Variants in PDE3A observed in about 807,000 individuals in gnomAD.
PDE3A encodes the protein cGMP-inhibited 3',5'-cyclic phosphodiesterase 3A.
A neutral mutation model predicts 98.3 loss-of-function variants in PDE3A; 43 were observed. That is an observed-to-expected ratio of 0.44 (90% CI 0.34 to 0.56). PDE3A has a LOEUF of 0.56. Among genes scored for constraint, PDE3A ranks in the 20% least tolerant of loss-of-function variants. PDE3A has a pLI of 0.01. For synonymous variants in PDE3A, 663 were observed against 567.9 expected (o/e 1.17, Z -2.38); for missense variants, 1,427 against 1,440.7 (o/e 0.99, Z 0.15).
rs771841930 is a variant in PDE3A at position 20,370,164 on chromosome 12, T to G, written c.880T>G (p.Ser294Ala). 6.8e-6 allele frequency: 11 copies of G among 1,612,514 alleles called. No individual in the cohort carries two copies. In the Admixed American group the frequency reaches 1.8e-4, roughly 27 times the overall value. The stretch of plus-strand genomic sequence containing the variant: ...GTTTAAGAGGAGGAGGCGGTCCAGC[T>G]CCGTCGTGTCCGCCGAGATGTCCGG... Reference protein sequence around the residue: ...PVFKRRRRSSSVVSAEMSGCS... With the variant: ...PVFKRRRRSSAVVSAEMSGCS... Residue 294 changes from serine (S) to alanine (A), a missense_variant, in exon 1 of 16, where the codon TCC (serine) becomes GCC (alanine). By Grantham distance (99) the Ser-to-Ala change is moderately conservative (BLOSUM62 1). This residue lies in a region of PDE3A where 1,012 missense variants were observed against 886.5 expected (regional missense o/e 1.14). Transcript: ENST00000359062.
In PDE3A at chr12:20,369,923, C is replaced by T. The variant is rs1591850243; in HGVS notation, c.639C>T (p.Leu213=). The change falls in exon 1 of 16, where the codon CTC becomes CTT. Residue 213 remains leucine, a synonymous_variant. Coordinates refer to ENST00000359062, the MANE Select transcript of PDE3A (RefSeq NM_000921.5). The stretch of plus-strand genomic sequence containing the variant: ...TGCTGAGGCTGAGGCTGGGCGTCCT[C>T]ATGATCGCCTTGACTAGCGCGGTCA... ...WLVLRLRLGV[L]MIALTSAVRT... 6.2e-7 allele frequency: 1 copy of T among 1,613,502 alleles called. No individual in the cohort carries two copies. The highest frequency in any genetic ancestry group is 8.5e-7 in the Non-Finnish European group (1 of 1,180,002).
chr12:20,376,974 A>C (rs1385148643), intron 1 of PDE3A, among the ~76,000 whole-genome samples: 5 of 151,854 alleles, frequency 3.3e-5, no homozygotes, highest in Non-Finnish European at 7.4e-5. Context: ...CAGTCCTGCT[A>C]ACATAATAAT....
intron 2 of PDE3A, among the ~76,000 whole-genome samples, chr12:20,607,436 CAAAAA>C (rs765702703): frequency 1.6e-5 from 1 of 61,446 alleles, no homozygotes; most frequent in African/African-American, 6.3e-5. Flanking sequence ...GACTCCGTCT[CAAAAA>C]AAAAAAAAAA....
At chr12:20,469,200 C>T (rs1236374331) in intron 1 of PDE3A, among the ~76,000 whole-genome samples, 1 of 152,068 alleles carries the variant, frequency 6.6e-6, no homozygotes, top group African/African-American at 2.4e-5. Flanking sequence ...CCTTAAATAC[C>T]TCTGAGCCAT....
chr12:20,397,145 G>A (rs1488316245), intron 1 of PDE3A, among the ~76,000 whole-genome samples: 1 of 152,004 alleles, frequency 6.6e-6, no homozygotes, highest in Admixed American at 6.6e-5. Context: ...AAAAATGTAT[G>A]TTTGTAAGTA....
intron 1 of PDE3A, among the ~76,000 whole-genome samples, chr12:20,548,083 A>G (rs1307267372): frequency 6.6e-6 from 1 of 152,156 alleles, no homozygotes; most frequent in Non-Finnish European, 1.5e-5. Flanking sequence ...AATTTATTCC[A>G]TAAGGATCAA....
chr12:20,400,216 A>G (rs1317042399), intron 1 of PDE3A, among the ~76,000 whole-genome samples: 1 of 151,920 alleles, frequency 6.6e-6, no homozygotes, highest in Admixed American at 6.6e-5. Flanking sequence ...CTCTATTTTT[A>G]AAAGTACGGA....
chr12:20,416,593 G>A (rs1944425487), intron 1 of PDE3A, among the ~76,000 whole-genome samples: 1 of 152,138 alleles, frequency 6.6e-6, no homozygotes, highest in Non-Finnish European at 1.5e-5. Flanking sequence ...CTTCACACGT[G>A]CTATATAAAA....
chr12:20,409,096 A>C (rs1006458966), intron 1 of PDE3A, among the ~76,000 whole-genome samples: 2 of 152,184 alleles, frequency 1.3e-5, no homozygotes, highest in Non-Finnish European at 2.9e-5. Context: ...GGAGGCAGGC[A>C]CAGAACTCCA....
chr12:20,676,603 C>A (rs1476032597), intron 15 of PDE3A, among the ~76,000 whole-genome samples: 1 of 151,300 alleles, frequency 6.6e-6, no homozygotes, highest in Non-Finnish European at 1.5e-5. Context: ...GGGTTCACAC[C>A]ATTCTCCTGC....
intron 1 of PDE3A, among the ~76,000 whole-genome samples, chr12:20,431,363 GA>G (rs1944694183): frequency 1.3e-5 from 2 of 152,208 alleles, no homozygotes; most frequent in South Asian, 2.1e-4. Context: ...GTTCATGAGG[GA>G]AAAAAGTTCT....
At position 20,685,013 on chromosome 12, in the gene PDE3A, A is replaced by G. The variant is rs1048381901; in HGVS notation, c.*4742A>G. Among the ~76,000 whole-genome samples, 3 of 152,232 alleles carry G rather than the reference A, an allele frequency of 2.0e-5. No homozygotes were observed. The highest frequency in any genetic ancestry group is 7.2e-5 in the African/African-American group (3 of 41,468). On this transcript the variant is annotated 3_prime_UTR_variant, in exon 16 of 16. Coordinates refer to ENST00000359062, the MANE Select transcript of PDE3A (RefSeq NM_000921.5). ...CAACACATGGTATTTGTTGAAATACATGTTGCTTTGACCTTACCTAATGGT... is the reference window on the plus strand; with the variant it reads ...CAACACATGGTATTTGTTGAAATACGTGTTGCTTTGACCTTACCTAATGGT...
chr12:20,638,786 A>G (rs1254478375), intron 9 of PDE3A, among the ~76,000 whole-genome samples: 1 of 152,002 alleles, frequency 6.6e-6, no homozygotes, highest in Non-Finnish European at 1.5e-5. Flanking sequence ...GACACATCTC[A>G]TCTCATTTTA....
At chr12:20,623,196 A>T (rs1207157508) in intron 5 of PDE3A, among the ~76,000 whole-genome samples, 2 of 152,084 alleles carry the variant, frequency 1.3e-5, no homozygotes, top group Non-Finnish European at 1.5e-5. Flanking sequence ...CAGATGAAGA[A>T]TTGGGAAGTA....
At chr12:20,621,248 A>T in intron 4 of PDE3A, 48 bp from the exon 5 acceptor site, 1 of 1,058,412 alleles carries the variant, frequency 9.4e-7, no homozygotes, top group Non-Finnish European at 1.5e-6. Context: ...ATAACTGATG[A>T]ATAATTTGTT....
intron 1 of PDE3A, among the ~76,000 whole-genome samples, chr12:20,410,082 C>T (rs1004402094): frequency 2.0e-5 from 3 of 152,154 alleles, no homozygotes; most frequent in African/African-American, 7.2e-5. Context: ...GTCTTGCTGT[C>T]CCCAGGCTAA....
intron 1 of PDE3A, among the ~76,000 whole-genome samples, chr12:20,508,857 A>G (rs527824307): frequency 2.6e-5 from 4 of 151,392 alleles, no homozygotes; most frequent in African/African-American, 9.7e-5. Context: ...TGTTTTCTTC[A>G]GTACTTTTTT....
At chr12:20,676,734 C>T (rs1395744684) in intron 15 of PDE3A, among the ~76,000 whole-genome samples, 6 of 152,026 alleles carry the variant, frequency 3.9e-5, no homozygotes, top group Non-Finnish European at 7.4e-5. Flanking sequence ...CTCCTGACCT[C>T]GTGATCTGCC....
intron 2 of PDE3A, among the ~76,000 whole-genome samples, chr12:20,591,027 C>T (rs1438508253): frequency 6.6e-6 from 1 of 152,142 alleles, no homozygotes. Flanking sequence ...TTATTATCAT[C>T]ACTACTCTGA....
Sources: gnomAD v4.1 joint callset for allele counts (sites outside exome capture counted in the v4.1 genomes callset) on GRCh38, gnomAD v4.1.1 for gene constraint, gnomAD v4.1.1 regional missense constraint, MANE v1.5 for transcripts, NCBI Gene and HGNC (gene_info 2026-07-23, HGNC 2026-07-21) for gene names.